The following PSIP1 variants were observed in gnomAD, a reference collection of about 807,000 sequenced individuals.
The protein encoded by PSIP1 is PC4 and SFRS1-interacting protein.
PSIP1 carries 19 observed loss-of-function variants against 74.7 expected under a neutral mutation model. The observed-to-expected ratio is 0.25, with a 90% CI of 0.18 to 0.37. The LOEUF is 0.37. PSIP1 is among the 10% of genes least tolerant of loss of function. The probability of loss-of-function intolerance (pLI) is 1.00; values close to 1 mark genes in which losing one functional copy is unlikely to be tolerated. For synonymous variants in PSIP1, 222 were observed against 195.3 expected (o/e 1.14, Z -1.14); for missense variants, 601 against 614.3 (o/e 0.98, Z 0.23).
chr9:15,482,366 C>A (rs2036373345), intron 6 of PSIP1, among the ~76,000 whole-genome samples: 2 of 152,170 alleles, frequency 1.3e-5, no homozygotes, highest in South Asian at 4.1e-4. Flanking sequence ...CCTATCTGAT[C>A]AGGCCTCCTC....
intron 10 of PSIP1, chr9:15,470,620 AT>A: frequency 1.0e-6 from 1 of 954,370 alleles, no homozygotes. Context: ...AGAACAAAAA[AT>A]ATCTAAAAAT....
chr9:15,489,332 G>A (rs370433790), intron 4 of PSIP1: 11 of 152,192 alleles, frequency 7.2e-5, no homozygotes, highest in South Asian at 2.1e-4. Context: ...TAAAGGCTGC[G>A]CGCAATGGCT....
intron 8 of PSIP1, among the ~76,000 whole-genome samples, chr9:15,477,392 A>G (rs2036136560): frequency 1.3e-5 from 2 of 152,108 alleles, no homozygotes; most frequent in African/African-American, 4.8e-5. Flanking sequence ...AGTATATGAT[A>G]TATTGTTATG....
At chr9:15,475,805 TAC>T (rs2036050052) in intron 8 of PSIP1, among the ~76,000 whole-genome samples, 1 of 152,206 alleles carries the variant, frequency 6.6e-6, no homozygotes, top group Non-Finnish European at 1.5e-5. Flanking sequence ...TTCCATGAAA[TAC>T]AGACTTGTGA....
At chr9:15,507,935 C>A (rs949130583) in intron 2 of PSIP1, among the ~76,000 whole-genome samples, 2 of 152,206 alleles carry the variant, frequency 1.3e-5, no homozygotes, top group Non-Finnish European at 2.9e-5. Flanking sequence ...CCTGTTATCT[C>A]AACTTTGTGG....
intron 3 of PSIP1, among the ~76,000 whole-genome samples, chr9:15,494,610 T>C (rs949551122): frequency 7.4e-6 from 1 of 135,980 alleles, no homozygotes; most frequent in African/African-American, 2.7e-5. Context: ...CACACACATA[T>C]ATAAAAAATC....
chr9:15,485,710 C>T (rs2036531534), intron 6 of PSIP1, among the ~76,000 whole-genome samples: 1 of 152,116 alleles, frequency 6.6e-6, no homozygotes, highest in Non-Finnish European at 1.5e-5. Context: ...TCATTTAATC[C>T]TCCACAACCT....
At chr9:15,500,094 G>T (rs1313985563) in intron 3 of PSIP1, among the ~76,000 whole-genome samples, 1 of 152,112 alleles carries the variant, frequency 6.6e-6, no homozygotes, top group Non-Finnish European at 1.5e-5. Flanking sequence ...ATAATAGCAT[G>T]TATTAGTCTA....
At position 15,474,048 on chromosome 9, in the gene PSIP1, G is replaced by A. The variant is rs761950956; in HGVS notation, c.819C>T (p.Ser273=). The change falls in exon 9 of 16, where the codon TCC becomes TCT. Residue 273 remains serine, a synonymous_variant. Coordinates refer to ENST00000380733, the MANE Select transcript of PSIP1 (RefSeq NM_033222.5). The part of the protein sequence containing the change: ...NLAKTGVTST[S]DSEEEGDDQE... ...GATCATCTCCTTCTTCTTCAGAATC[G>A]GAGGTTGAAGTAACCCCTGTTTTAG... 9.9e-6 allele frequency: 16 copies of A among 1,612,404 alleles called. No individual in the cohort carries two copies. Among genetic ancestry groups the A allele is most frequent in the Admixed American group, 3.3e-5 (2 of 59,826 alleles).
chr9:15,503,910 C>T (rs2037460297), intron 3 of PSIP1, among the ~76,000 whole-genome samples: 1 of 152,098 alleles, frequency 6.6e-6, no homozygotes, highest in South Asian at 2.1e-4. Flanking sequence ...CCATGCCAGG[C>T]TAATTTTTGT....
rs2035732965 is a variant in PSIP1, at chr9:15,468,839, C to T, written c.1211G>A (p.Arg404Gln). 2.5e-6 allele frequency: 4 copies of T among 1,612,618 alleles called. No homozygotes were observed. Among genetic ancestry groups the T allele is most frequent in the East Asian group, 2.2e-5 (1 of 44,834 alleles). The change falls in exon 14 of 16, where the codon CGG becomes CAG. Residue 404 changes from arginine to glutamine, a missense_variant. Arg to Gln is a conservative substitution (Grantham distance 43). Transcript: ENST00000380733. ...TEMITTLKKI[R>Q]RFKVSQVIME... Reference sequence around the variant, plus strand: ...GATTACCTGACTAACTTTGAATCGCCGTATCTGAGAAAACAATATACATTC... The same window carrying T: ...GATTACCTGACTAACTTTGAATCGCTGTATCTGAGAAAACAATATACATTC...
chr9:15,472,146 T>C, intron 10 of PSIP1: 1 of 984,344 alleles, frequency 1.0e-6, no homozygotes, highest in Non-Finnish European at 1.2e-6. Flanking sequence ...ACATACATAA[T>C]AATGTACACC....
chr9:15,468,729 T>G lies in PSIP1; in HGVS notation c.1321A>C (p.Asn441His). ...EGDSVITQVLNKSLAEQRQHE... is the reference protein window; with the variant it reads ...EGDSVITQVLHKSLAEQRQHE... ...TGTCTTTGTTCAGCAAGAGATTTATTCAGCACTTGGGTGATCACGGAATCT... is the reference window on the plus strand; with the variant it reads ...TGTCTTTGTTCAGCAAGAGATTTATGCAGCACTTGGGTGATCACGGAATCT... The change falls in exon 14 of 16, where the codon AAT (asparagine) becomes CAT (histidine). Residue 441 changes from asparagine to histidine, a missense_variant. Physicochemically the swap from Asn to His is moderately conservative, Grantham distance 68 (BLOSUM62 1). Around this residue, in one of 2 missense-constraint regions of PSIP1, gnomAD observed 538 missense variants for 507.6 expected, o/e 1.06. Coordinates refer to ENST00000380733, the MANE Select transcript of PSIP1 (RefSeq NM_033222.5). 6.2e-7 allele frequency: 1 copy of G among 1,614,160 alleles called. No individual in the cohort carries two copies. The highest frequency in any genetic ancestry group is 8.5e-7 in the Non-Finnish European group (1 of 1,179,998).
intron 6 of PSIP1, among the ~76,000 whole-genome samples, chr9:15,481,911 A>G (rs944011568): frequency 1.3e-5 from 2 of 152,196 alleles, no homozygotes; most frequent in Non-Finnish European, 2.9e-5. Flanking sequence ...GAAAGGACCA[A>G]TGAAGTTATA....
intron 14 of PSIP1, chr9:15,468,352 G>A (rs145694658): frequency 1.6e-6 from 1 of 637,414 alleles, no homozygotes; most frequent in South Asian, 1.4e-5. Flanking sequence ...AGGAGGCATT[G>A]TGATGGATGG....
At chr9:15,465,692 C>G (rs1476126141) in intron 15 of PSIP1, 112 bp from the exon 16 acceptor site, 2 of 843,490 alleles carry the variant, frequency 2.4e-6, no homozygotes, top group Admixed American at 5.7e-5. Flanking sequence ...CTGAAACCAA[C>G]CAAACAAAAG....
At chr9:15,485,984 G>A (rs756498006) in intron 6 of PSIP1, 22 bp downstream of exon 6, 5 of 1,574,826 alleles carry the variant, frequency 3.2e-6, no homozygotes, top group Non-Finnish European at 4.4e-6. Flanking sequence ...GATCCCCATG[G>A]TTGGTAAGTC....
At chr9:15,493,947 C>A (rs1406816966) in intron 3 of PSIP1, among the ~76,000 whole-genome samples, 1 of 152,080 alleles carries the variant, frequency 6.6e-6, no homozygotes, top group Non-Finnish European at 1.5e-5. Flanking sequence ...ATACATTATC[C>A]AGGATGGACC....
chr9:15,487,005 A>AT (rs1034357642), intron 4 of PSIP1, 74 bp from the exon 5 acceptor site: 22,794 of 833,486 alleles, frequency 0.027, no homozygotes, highest in Middle Eastern at 0.033. Flanking sequence ...CTTTATTTTT[A>AT]TTTTTTTTTT....
Sources: allele counts gnomAD v4.1 joint callset (sites outside exome capture counted in the v4.1 genomes callset), GRCh38; gene constraint gnomAD v4.1.1; regional missense constraint gnomAD v4.1.1; transcripts MANE v1.5; gene names NCBI Gene and HGNC (gene_info 2026-07-23, HGNC 2026-07-21).